Variants in UBE2E3 observed in about 807,000 individuals in gnomAD.
UBE2E3 encodes ubiquitin-conjugating enzyme E2 E3.
Under a neutral mutation model 23.6 loss-of-function variants are expected in UBE2E3, and 5 were observed. The observed-to-expected ratio is 0.21, with a 90% CI of 0.11 to 0.44. UBE2E3 has a LOEUF of 0.44. UBE2E3 is among the 20% of genes least tolerant of loss of function. The pLI is 0.99. For synonymous variants in UBE2E3, 78 were observed against 87.5 expected, an observed-to-expected ratio of 0.89 and a Z score of 0.60; for missense variants, 81 against 249.8, an observed-to-expected ratio of 0.32 and a Z score of 4.55.
chr2:180,984,566 A>G (rs1684396166), intron 3 of UBE2E3, among the ~76,000 whole-genome samples: 1 of 152,198 alleles, frequency 6.6e-6, no homozygotes, highest in Non-Finnish European at 1.5e-5. Flanking sequence ...TTAAGGACAA[A>G]TTTTATGGGC....
intron 3 of UBE2E3, among the ~76,000 whole-genome samples, chr2:181,046,810 T>A (rs1175916693): frequency 1.3e-5 from 2 of 152,122 alleles, no homozygotes; most frequent in Non-Finnish European, 2.9e-5. Context: ...CTAAAATCCT[T>A]TATGGTTTAG....
rs775471162 is a variant in UBE2E3, at chr2:181,060,657, G to T, written c.379-8G>T. ...TTTTCCTTCTGTTTTTAATGTGACTGTGCTTAGGTTACTTTCCGCACCAGA... is the reference window on the plus strand; with the variant it reads ...TTTTCCTTCTGTTTTTAATGTGACTTTGCTTAGGTTACTTTCCGCACCAGA... On this transcript the variant is annotated splice_polypyrimidine_tract_variant and splice_region_variant and intron_variant, in intron 4 of 5. Transcript: ENST00000410062. 2.2e-5 allele frequency: 35 copies of T among 1,591,740 alleles called. No individual in the cohort carries two copies. The South Asian group carries it at 3.5e-4, about 16-fold the overall frequency.
chr2:180,993,791 A>G (rs772336924), intron 3 of UBE2E3, among the ~76,000 whole-genome samples: 2 of 152,292 alleles, frequency 1.3e-5, no homozygotes, highest in South Asian at 2.1e-4. Flanking sequence ...TTGTGGCTAC[A>G]TATTTTTTAT....
At chr2:180,983,218 C>T (rs1684356729) in intron 2 of UBE2E3, among the ~76,000 whole-genome samples, 2 of 152,146 alleles carry the variant, frequency 1.3e-5, no homozygotes, top group Non-Finnish European at 1.5e-5. Flanking sequence ...CATAAATACT[C>T]ATATTTTTCT....
intron 3 of UBE2E3, among the ~76,000 whole-genome samples, chr2:181,002,319 T>C (rs1045287676): frequency 6.6e-6 from 1 of 152,216 alleles, no homozygotes; most frequent in Non-Finnish European, 1.5e-5. Context: ...GTTTATTTTC[T>C]GTTGCTCACT....
At chr2:181,036,333 G>A (rs1388614530) in intron 3 of UBE2E3, among the ~76,000 whole-genome samples, 1 of 152,068 alleles carries the variant, frequency 6.6e-6, no homozygotes, top group Non-Finnish European at 1.5e-5. Flanking sequence ...TCGACATAAA[G>A]TGTTAGAATA....
At chr2:181,012,854 A>G (rs1685376975) in intron 3 of UBE2E3, among the ~76,000 whole-genome samples, 1 of 152,144 alleles carries the variant, frequency 6.6e-6, no homozygotes, top group African/African-American at 2.4e-5. Flanking sequence ...AAGTATTGGT[A>G]TTTCTCATAT....
intron 3 of UBE2E3, among the ~76,000 whole-genome samples, chr2:181,021,642 T>TCCTCCCTC (rs1444966578): frequency 1.1e-5 from 1 of 89,560 alleles, no homozygotes; most frequent in Non-Finnish European, 2.3e-5. Flanking sequence ...TTTCCTTCCT[T>TCCTCCCTC]CCTTCCTTCC....
rs1684261723 is a variant in UBE2E3, at chr2:180,980,908, G to GGGTTTTT, written c.-90_-84dup. 6.8e-6 allele frequency: 1 copy of GGGTTTTT among 147,534 alleles called. No homozygotes were observed. Among genetic ancestry groups the GGGTTTTT allele is most frequent in the African/African-American group, 2.5e-5 (1 of 40,606 alleles). The allele number at this position is 147,534 out of a possible 1,614,324, so 9.1% of individuals were successfully genotyped here. On this transcript the variant is annotated 5_prime_UTR_variant, in exon 1 of 6. It removes the in-frame stop codon of an upstream open reading frame in the 5' UTR. Coordinates refer to ENST00000410062, the MANE Select transcript of UBE2E3 (RefSeq NM_006357.4). This position sits in a 1 kb window ranked among gnomAD's most constrained non-coding sequence, Gnocchi z 5.5. ...CAGCTGCCTCCATTTCCTTAAGGAA[G>GGGTTTTT]GGTTTTTTTCTCTCTCCCTCCCCCA... is the stretch of plus-strand genomic sequence containing the variant.
At chr2:180,994,443 A>G (rs1684766882) in intron 3 of UBE2E3, among the ~76,000 whole-genome samples, 4 of 152,158 alleles carry the variant, frequency 2.6e-5, no homozygotes, top group Non-Finnish European at 4.4e-5. Flanking sequence ...CATTTCATCT[A>G]TATCTTAAAA....
rs186495174 is a variant in UBE2E3, at chr2:181,026,905, T to C, written c.246-30788T>C. Reference sequence around the variant, plus strand: ...TTTTGTGTAATTTCTGTGGTTATTATAAATATATGATTGATAACCAGTTAT... The same window carrying C: ...TTTTGTGTAATTTCTGTGGTTATTACAAATATATGATTGATAACCAGTTAT... On this transcript the variant is annotated intron_variant, in intron 3 of 5. Transcript: ENST00000410062. 2.8e-4 allele frequency among the ~76,000 whole-genome samples: 43 copies of C among 152,124 alleles called. 1 individual carries two copies. The highest frequency in any genetic ancestry group is 2.2e-4 in the Non-Finnish European group (15 of 67,844).
chr2:180,990,164 C>T (rs1574158270), intron 3 of UBE2E3: 1 of 586,846 alleles, frequency 1.7e-6, no homozygotes, highest in African/African-American at 1.9e-5. Flanking sequence ...TTTTGTCCTC[C>T]CCTTCCCCAG....
chr2:181,009,834 A>G (rs1685264403), intron 3 of UBE2E3, among the ~76,000 whole-genome samples: 1 of 152,148 alleles, frequency 6.6e-6, no homozygotes, highest in Non-Finnish European at 1.5e-5. Flanking sequence ...TTGTATTAAT[A>G]AAGTGCACTG....
intron 3 of UBE2E3, among the ~76,000 whole-genome samples, chr2:181,025,938 C>T (rs1041249130): frequency 1.3e-5 from 2 of 151,898 alleles, no homozygotes; most frequent in Non-Finnish European, 2.9e-5. Flanking sequence ...TGCACATAAA[C>T]GTGTAATCAC....
chr2:181,035,283 T>C (rs1180774432), intron 3 of UBE2E3, among the ~76,000 whole-genome samples: 1 of 152,168 alleles, frequency 6.6e-6, no homozygotes, highest in Non-Finnish European at 1.5e-5. Flanking sequence ...TATTCCTTTT[T>C]CTGAACTATT....
At chr2:181,052,090 ATAT>A (rs1686859554) in intron 3 of UBE2E3, among the ~76,000 whole-genome samples, 1 of 152,010 alleles carries the variant, frequency 6.6e-6, no homozygotes, top group Middle Eastern at 3.4e-3. Context: ...TTTATTAGCC[ATAT>A]TATTAATCTG....
rs765051018 is a variant in UBE2E3 at position 181,031,956 on chromosome 2, C to CAAATGCCATTTTGG, written c.246-25727_246-25714dup. Among the ~76,000 whole-genome samples the CAAATGCCATTTTGG allele has an allele frequency of 1.7e-3, 253 of 152,250 alleles. 2 individuals are homozygous for CAAATGCCATTTTGG. The highest frequency in any genetic ancestry group is 3.4e-3 in the Middle Eastern group (1 of 294). On this transcript the variant is annotated intron_variant, in intron 3 of 5. Transcript: ENST00000410062. ...TTAACTCAAAAGTTTGTCCGGCTCA[C>CAAATGCCATTTTGG]AAATGCCATTTTGGAAATGCCATGT...
rs150450068 is a variant in UBE2E3, at chr2:180,989,620, A to G, written c.245+5527A>G. Among the ~76,000 whole-genome samples the G allele has an allele frequency of 1.1e-3, 175 of 152,310 alleles. 1 individual carries two copies. The highest frequency in any genetic ancestry group is 3.9e-3 in the African/African-American group (164 of 41,582). ...AATACTCAGTACTCTGTGTGACTGG[A>G]AACATTTTCCAAAAGAGTGACCAAC... On this transcript the variant is annotated intron_variant, in intron 3 of 5. Transcript: ENST00000410062.
intron 3 of UBE2E3, among the ~76,000 whole-genome samples, chr2:180,995,465 C>G (rs1684797851): frequency 6.6e-6 from 1 of 152,100 alleles, no homozygotes; most frequent in South Asian, 2.1e-4. Context: ...CAAAACGTTT[C>G]TGTTATTGGT....
Sources: gnomAD v4.1 joint callset for allele counts (sites outside exome capture counted in the v4.1 genomes callset) on GRCh38, gnomAD v4.1.1 for gene constraint, Gnocchi (gnomAD v3.1) non-coding constraint, MANE v1.5 for transcripts, NCBI Gene and HGNC (gene_info 2026-07-23, HGNC 2026-07-21) for gene names.